PTPRN2: variants seen among roughly 807,000 people sequenced by gnomAD.
PTPRN2 encodes the protein protein tyrosine phosphatase receptor type N2, also known as receptor-type tyrosine-protein phosphatase N2.
Under a neutral mutation model 118.8 loss-of-function variants are expected in PTPRN2, and 74 were observed. The observed-to-expected ratio is 0.62, with a 90% CI of 0.52 to 0.76. The LOEUF (loss-of-function observed/expected upper bound fraction) is 0.76, where lower values mean the gene tolerates loss of function less well. Ranked by LOEUF, PTPRN2 falls within the 30% of genes least tolerant of loss-of-function variation. The probability of loss-of-function intolerance (pLI) is 0.00; values close to 1 mark genes in which losing one functional copy is unlikely to be tolerated. For missense variants in PTPRN2, 1,481 were observed against 1,394.4 expected (o/e 1.06, Z -0.99); for synonymous variants, 641 against 608.0 (o/e 1.05, Z -0.80).
chr7:158,045,005 G>GTTATAT (rs1330872356), intron 11 of PTPRN2, among the ~76,000 whole-genome samples: 2 of 152,126 alleles, frequency 1.3e-5, no homozygotes, highest in Admixed American at 1.3e-4. Flanking sequence ...CCACTGCTCG[G>GTTATAT]TTATATTTTA....
chr7:158,262,937 C>A (rs1242447016), intron 3 of PTPRN2, among the ~76,000 whole-genome samples: 2 of 141,496 alleles, frequency 1.4e-5, no homozygotes, highest in Non-Finnish European at 3.0e-5. Context: ...ACACACTGCA[C>A]ACACACATTC....
chr7:158,389,628 C>T (rs1427682914), intron 2 of PTPRN2, among the ~76,000 whole-genome samples: 3 of 152,356 alleles, frequency 2.0e-5, no homozygotes, highest in Admixed American at 6.5e-5. Context: ...TTTGCAATAA[C>T]GGCTGCCGCC....
At chr7:158,074,795 C>T (rs1174416776) in intron 11 of PTPRN2, among the ~76,000 whole-genome samples, 1 of 152,244 alleles carries the variant, frequency 6.6e-6, no homozygotes, top group Non-Finnish European at 1.5e-5. Flanking sequence ...GCAGCACCCT[C>T]TGCCAGCAGG....
At chr7:157,922,939 C>T (rs1000826578) in intron 11 of PTPRN2, among the ~76,000 whole-genome samples, 9 of 152,206 alleles carry the variant, frequency 5.9e-5, no homozygotes, top group South Asian at 4.1e-4. Flanking sequence ...GCTCTGGGAC[C>T]AGCCATCCTT....
intron 1 of PTPRN2, among the ~76,000 whole-genome samples, chr7:158,533,567 G>A (rs750657220): frequency 2.6e-5 from 4 of 152,156 alleles, no homozygotes; most frequent in Admixed American, 6.5e-5. Context: ...TGCAACACAC[G>A]AGGAGTCCCT....
At chr7:157,882,322 A>C (rs56391488) in intron 12 of PTPRN2, among the ~76,000 whole-genome samples, 2,855 of 151,988 alleles carry the variant, frequency 0.019, 70 homozygotes, top group African/African-American at 0.061. Context: ...CAGAGATCAG[A>C]ACACACCACC....
intron 13 of PTPRN2, among the ~76,000 whole-genome samples, chr7:157,663,343 T>A (rs1263567): frequency 6.6e-6 from 1 of 152,044 alleles, no homozygotes; most frequent in East Asian, 1.9e-4. Flanking sequence ...CACGTGCCCC[T>A]GGGAAGACGT....
chr7:158,489,523 C>G (rs1563351318), intron 2 of PTPRN2, among the ~76,000 whole-genome samples: 1 of 152,204 alleles, frequency 6.6e-6, no homozygotes, highest in South Asian at 2.1e-4. Context: ...AGGGTTGGTG[C>G]GAGCGATGGG....
chr7:158,010,434 A>G (rs1198011155), intron 11 of PTPRN2, among the ~76,000 whole-genome samples: 1 of 152,228 alleles, frequency 6.6e-6, no homozygotes, highest in African/African-American at 2.4e-5. Context: ...CTACACTTGA[A>G]AAAGTAAGAA....
intron 2 of PTPRN2, among the ~76,000 whole-genome samples, chr7:158,455,056 T>G (rs953456034): frequency 2.6e-5 from 4 of 152,356 alleles, no homozygotes; most frequent in Admixed American, 2.6e-4. Context: ...ATGGCCCCCA[T>G]GGACCCCCAA....
chr7:158,071,748 A>G (rs1052902716), intron 11 of PTPRN2, among the ~76,000 whole-genome samples: 3,069 of 26,654 alleles, frequency 0.12, 413 homozygotes, highest in African/African-American at 0.39. Flanking sequence ...GGAGGTGCTC[A>G]TGGTGGAGGT....
At chr7:157,728,343 G>T (rs956444054) in intron 12 of PTPRN2, among the ~76,000 whole-genome samples, 1 of 152,236 alleles carries the variant, frequency 6.6e-6, no homozygotes, top group African/African-American at 2.4e-5. Flanking sequence ...AAGAAGGCGC[G>T]TGAAGATCTT....
intron 9 of PTPRN2, among the ~76,000 whole-genome samples, chr7:158,125,284 G>A (rs1229204015): frequency 6.7e-6 from 1 of 149,248 alleles, no homozygotes; most frequent in African/African-American, 2.5e-5. Context: ...TCCCTCCCAC[G>A]GCCGACCCCC....
At chr7:157,741,633 G>T (rs1047494057) in intron 12 of PTPRN2, among the ~76,000 whole-genome samples, 3 of 152,166 alleles carry the variant, frequency 2.0e-5, no homozygotes, top group African/African-American at 7.2e-5. Context: ...CGATTCAGTG[G>T]CTCTCCTCCC....
At position 157,903,465 on chromosome 7, in the gene PTPRN2, C is replaced by T. The variant is rs1234523074; in HGVS notation, c.1724-4728G>A. 6.6e-6 allele frequency among the ~76,000 whole-genome samples: 1 copy of T among 152,072 alleles called. No individual in the cohort carries two copies. The highest frequency in any genetic ancestry group is 1.5e-5 in the Non-Finnish European group (1 of 68,026). On this transcript the variant is annotated intron_variant, in intron 11 of 22. Transcript: ENST00000389418. The surrounding 1 kb of genome is among the most constrained non-coding windows in gnomAD (Gnocchi z 4.2). ...AAGCCTGCACATGTACTCCCAGATT[C>T]TAAAATAAAAGCTGAAAATTAAAAA...
In PTPRN2 at chr7:158,342,100, A is replaced by T. The variant is rs1386139686; in HGVS notation, c.164-25168T>A. Reference sequence around the variant, plus strand: ...TCACCAGAAGGGGTGTCACCTGCAGACGTCACTCACACCCACACTCTCACC... The same window carrying T: ...TCACCAGAAGGGGTGTCACCTGCAGTCGTCACTCACACCCACACTCTCACC... On this transcript the variant is annotated intron_variant, in intron 2 of 22. Coordinates refer to ENST00000389418, the MANE Select transcript of PTPRN2 (RefSeq NM_002847.5). Among the ~76,000 whole-genome samples, 3 of 140,368 alleles carry T rather than the reference A, an allele frequency of 2.1e-5. No homozygotes were observed. In the East Asian group the frequency reaches 6.6e-4, roughly 31 times the overall value. The allele number at this position is 140,368 out of a possible 152,430, so 92.1% of individuals were successfully genotyped here.
intron 11 of PTPRN2, among the ~76,000 whole-genome samples, chr7:157,957,782 CACTG>C (rs1242904494): frequency 2.6e-5 from 4 of 152,050 alleles, no homozygotes; most frequent in Admixed American, 6.5e-5. Context: ...ATCCTGCAGT[CACTG>C]GTTTGATGGA....
chr7:158,383,865 G>T (rs184904966), intron 2 of PTPRN2, among the ~76,000 whole-genome samples: 9 of 152,306 alleles, frequency 5.9e-5, no homozygotes, highest in African/African-American at 2.2e-4. Context: ...ACAGAATTAC[G>T]TAATAACGTC....
intron 12 of PTPRN2, chr7:157,865,306 T>C (rs1020044380): frequency 6.6e-6 from 1 of 152,272 alleles, no homozygotes; most frequent in African/African-American, 2.4e-5. Context: ...TCTGCTCTGC[T>C]GAACATCCCA....
Sources: allele counts gnomAD v4.1 joint callset (sites outside exome capture counted in the v4.1 genomes callset), GRCh38; gene constraint gnomAD v4.1.1; non-coding constraint Gnocchi (gnomAD v3.1); transcripts MANE v1.5; gene names NCBI Gene and HGNC (gene_info 2026-07-23, HGNC 2026-07-21).